Variants in TSPAN9 observed in about 807,000 individuals in gnomAD.
The protein encoded by TSPAN9 is tetraspanin 9.
TSPAN9 carries 16 observed loss-of-function variants against 31.0 expected under a neutral mutation model. That is an observed-to-expected ratio of 0.52 (90% CI 0.35 to 0.78). TSPAN9 has a LOEUF of 0.78. TSPAN9 is among the 30% of genes least tolerant of loss of function. TSPAN9 has a pLI of 0.01. For missense variants in TSPAN9, 272 were observed against 312.5 expected, an observed-to-expected ratio of 0.87 and a Z score of 0.98; for synonymous variants, 145 against 121.6, an observed-to-expected ratio of 1.19 and a Z score of -1.27.
At chr12:3,122,008 TCTCCC>T (rs1280450987) in intron 2 of TSPAN9, among the ~76,000 whole-genome samples, 2 of 152,104 alleles carry the variant, frequency 1.3e-5, no homozygotes, top group Non-Finnish European at 2.9e-5. Context: ...TTTTCTGAGT[TCTCCC>T]CTCCCCTCCC....
Position 3,278,269 on chromosome 12 carries a change from C to T in TSPAN9, c.64-152C>T, listed in dbSNP as rs111228619. ...TCTGGGTCACACAGCCGACATGCTT[C>T]GGGTCTGCAGCCCAACGGTAGTCCC... is the stretch of plus-strand genomic sequence containing the variant. On this transcript the variant is annotated intron_variant, in intron 3 of 8. Transcript: ENST00000011898. The T allele has an allele frequency of 3.1e-3, 3,266 of 1,044,880 alleles. 46 individuals are homozygous for T. The African/African-American group carries it at 0.034, about 11-fold the overall frequency. The allele number at this position is 1,044,880 out of a possible 1,614,324, so 64.7% of individuals were successfully genotyped here.
chr12:3,230,052 C>T (rs1356297467), intron 3 of TSPAN9, among the ~76,000 whole-genome samples: 1 of 152,176 alleles, frequency 6.6e-6, no homozygotes, highest in Non-Finnish European at 1.5e-5. Flanking sequence ...TTTATTCCCC[C>T]TTCCTTTCTT....
intron 2 of TSPAN9, among the ~76,000 whole-genome samples, chr12:3,114,978 T>C (rs900023649): frequency 1.3e-5 from 2 of 152,188 alleles, no homozygotes; most frequent in African/African-American, 4.8e-5. Flanking sequence ...TGGTTTTTAC[T>C]ATATTCTCAG....
In TSPAN9 at chr12:3,216,508, T is replaced by C. The variant is rs552144312; in HGVS notation, c.63+15252T>C. On this transcript the variant is annotated intron_variant, in intron 3 of 8. Transcript: ENST00000011898. ...CTTTTACCAGGATTTTCGTACCGTC[T>C]CAAAGCACCCAAAGCTCTTCTCAAA... Among the ~76,000 whole-genome samples, 150 of 152,296 alleles carry C rather than the reference T, an allele frequency of 9.8e-4. 1 individual carries two copies. Among genetic ancestry groups the C allele is most frequent in the Non-Finnish European group, 1.7e-3 (118 of 68,020 alleles).
At chr12:3,080,726 G>T (rs1241525193) in intron 1 of TSPAN9, among the ~76,000 whole-genome samples, 1 of 152,222 alleles carries the variant, frequency 6.6e-6, no homozygotes, top group Non-Finnish European at 1.5e-5. Context: ...GACAGCTCCA[G>T]AAATTACCTT....
chr12:3,183,413 A>G (rs1180568574), intron 2 of TSPAN9, among the ~76,000 whole-genome samples: 2 of 152,180 alleles, frequency 1.3e-5, no homozygotes, highest in South Asian at 2.1e-4. Context: ...GTGCAAATGT[A>G]TCTTCAGGGA....
chr12:3,136,667 TC>T (rs1023994925), intron 2 of TSPAN9, among the ~76,000 whole-genome samples: 3 of 152,152 alleles, frequency 2.0e-5, no homozygotes, highest in African/African-American at 7.2e-5. Flanking sequence ...GAAAATCTAT[TC>T]TGTTCCCAAA....
At chr12:3,268,346 CT>C (rs1862581992) in intron 3 of TSPAN9, among the ~76,000 whole-genome samples, 1 of 113,386 alleles carries the variant, frequency 8.8e-6, no homozygotes, top group Non-Finnish European at 1.8e-5. Flanking sequence ...CCTGCCCTCT[CT>C]GTGTTCCTGC....
chr12:3,207,003 C>T (rs1473054815), intron 3 of TSPAN9, among the ~76,000 whole-genome samples: 2 of 152,078 alleles, frequency 1.3e-5, no homozygotes, highest in Non-Finnish European at 2.9e-5. Flanking sequence ...AAGGGGGAGA[C>T]AGCACCTGCT....
At chr12:3,178,715 G>A (rs1385850056) in intron 2 of TSPAN9, among the ~76,000 whole-genome samples, 3 of 152,200 alleles carry the variant, frequency 2.0e-5, no homozygotes, top group Admixed American at 1.3e-4. Context: ...TCAACGAGAC[G>A]GGTGGTGTAG....
At chr12:3,261,117 A>G (rs1862441818) in intron 3 of TSPAN9, among the ~76,000 whole-genome samples, 2 of 152,078 alleles carry the variant, frequency 1.3e-5, no homozygotes, top group Admixed American at 1.3e-4. Context: ...CCAGGTCGGG[A>G]GAGTGGAAAG....
chr12:3,097,678 G>C (rs2098309803), intron 2 of TSPAN9, among the ~76,000 whole-genome samples: 1 of 152,180 alleles, frequency 6.6e-6, no homozygotes, highest in South Asian at 2.1e-4. Flanking sequence ...GCAGGACTTA[G>C]AGCCCAGAGG....
chr12:3,235,266 ATATAT>A, intron 3 of TSPAN9, among the ~76,000 whole-genome samples: 1 of 93,248 alleles, frequency 1.1e-5, no homozygotes, highest in Non-Finnish European at 2.0e-5. Context: ...ATATATATAT[ATATAT>A]GTAAGTGAAT....
At chr12:3,112,583 T>C (rs559827886) in intron 2 of TSPAN9, among the ~76,000 whole-genome samples, 1 of 151,212 alleles carries the variant, frequency 6.6e-6, no homozygotes, top group Admixed American at 6.6e-5. Flanking sequence ...ATTAAATTAT[T>C]TCTCTTTTTA....
intron 3 of TSPAN9, chr12:3,272,885 T>C (rs1327395499): frequency 6.6e-6 from 1 of 152,244 alleles, no homozygotes; most frequent in Non-Finnish European, 1.5e-5. Context: ...TCAGCATGGT[T>C]CAAACTGAAG....
At chr12:3,139,236 G>A (rs2098333590) in intron 2 of TSPAN9, among the ~76,000 whole-genome samples, 1 of 152,246 alleles carries the variant, frequency 6.6e-6, no homozygotes, top group African/African-American at 2.4e-5. Context: ...AGACCATGGA[G>A]AGAAATCCTT....
rs1862890124 is a variant in TSPAN9 at position 3,281,324 on chromosome 12, A to C, written c.559A>C (p.Arg187=). The change falls in exon 7 of 9, where the codon AGA becomes CGA. Residue 187 remains arginine, a synonymous_variant. Coordinates refer to ENST00000011898, the MANE Select transcript of TSPAN9 (RefSeq NM_006675.5). The part of the protein sequence containing the change: ...CGRNATTPLW[R]TGCYEKVKMW... ...GCGCAACGCCACCACGCCTTTGTGGAGAACGGTGAGGCTGGGGATGGACCG... is the reference window on the plus strand; with the variant it reads ...GCGCAACGCCACCACGCCTTTGTGGCGAACGGTGAGGCTGGGGATGGACCG... The C allele has an allele frequency of 2.6e-6, 4 of 1,549,268 alleles. No individual in the cohort carries two copies. Among genetic ancestry groups the C allele is most frequent in the Non-Finnish European group, 3.5e-6 (4 of 1,146,044 alleles).
Position 3,246,252 on chromosome 12 carries a change from A to G in TSPAN9, c.64-32169A>G, listed in dbSNP as rs929499641. 2.0e-5 allele frequency among the ~76,000 whole-genome samples: 3 copies of G among 152,144 alleles called. No homozygotes were observed. In the East Asian group the frequency reaches 5.9e-4, roughly 30 times the overall value. On this transcript the variant is annotated intron_variant, in intron 3 of 8. Coordinates refer to ENST00000011898, the MANE Select transcript of TSPAN9 (RefSeq NM_006675.5). ...TGTGAGAACTCACGACTGTGAGGACAGCATCAAGGGGATGGTGCTACCCCA... is the reference window on the plus strand; with the variant it reads ...TGTGAGAACTCACGACTGTGAGGACGGCATCAAGGGGATGGTGCTACCCCA...
At chr12:3,282,436 C>T (rs1340816499) in intron 8 of TSPAN9, among the ~76,000 whole-genome samples, 1 of 152,178 alleles carries the variant, frequency 6.6e-6, no homozygotes, top group Non-Finnish European at 1.5e-5. Context: ...CTTTGTTGCT[C>T]AGGCTGGAGT....
Sources: gnomAD v4.1 joint callset for allele counts (sites outside exome capture counted in the v4.1 genomes callset) on GRCh38, gnomAD v4.1.1 for gene constraint, MANE v1.5 for transcripts, NCBI Gene and HGNC (gene_info 2026-07-23, HGNC 2026-07-21) for gene names.